Variants in CNTNAP2 observed in about 807,000 individuals in gnomAD.
CNTNAP2 encodes the protein contactin associated protein 2.
CNTNAP2 carries 98 observed loss-of-function variants against 155.2 expected under a neutral mutation model. The ratio of observed to expected loss-of-function variants is 0.63; its 90% CI spans 0.54 to 0.75. The LOEUF (loss-of-function observed/expected upper bound fraction) is 0.75, where lower values mean the gene tolerates loss of function less well. Among genes scored for constraint, CNTNAP2 ranks in the 30% least tolerant of loss-of-function variants. The pLI is 0.00. For synonymous variants in CNTNAP2, 651 were observed against 631.2 expected (o/e 1.03, Z -0.47); for missense variants, 1,727 against 1,688.1 (o/e 1.02, Z -0.40).
At chr7:146,494,983 A>G (rs1797192510) in intron 1 of CNTNAP2, among the ~76,000 whole-genome samples, 1 of 152,226 alleles carries the variant, frequency 6.6e-6, no homozygotes, top group African/African-American at 2.4e-5. Context: ...AGTGATTCCC[A>G]ACTACCAGAG....
At chr7:146,390,590 A>G (rs1433763194) in intron 1 of CNTNAP2, among the ~76,000 whole-genome samples, 4 of 150,122 alleles carry the variant, frequency 2.7e-5, no homozygotes, top group Non-Finnish European at 1.5e-5. Flanking sequence ...TAAAATACAT[A>G]TATTTTCATG....
At chr7:148,225,799 C>G (rs995252541) in intron 19 of CNTNAP2, among the ~76,000 whole-genome samples, 1 of 152,158 alleles carries the variant, frequency 6.6e-6, no homozygotes, top group Non-Finnish European at 1.5e-5. Flanking sequence ...GCCAAGAAGA[C>G]TTGGTGTCAG....
At chr7:147,635,199 T>C (rs1795156015) in intron 12 of CNTNAP2, among the ~76,000 whole-genome samples, 1 of 144,200 alleles carries the variant, frequency 6.9e-6, no homozygotes, top group African/African-American at 2.9e-5. Flanking sequence ...TATATATATA[T>C]ATGTTTAATT....
intron 1 of CNTNAP2, among the ~76,000 whole-genome samples, chr7:146,310,794 C>T (rs976193779): frequency 1.3e-5 from 2 of 152,128 alleles, no homozygotes; most frequent in African/African-American, 4.8e-5. Context: ...TCCCTTCCCC[C>T]ATCCATCCAT....
chr7:146,643,116 T>C (rs1799742348), intron 1 of CNTNAP2, among the ~76,000 whole-genome samples: 1 of 149,108 alleles, frequency 6.7e-6, no homozygotes, highest in African/African-American at 2.5e-5. Context: ...GGTTGCCTGT[T>C]CACTCTGATG....
At position 148,323,668 on chromosome 7, in the gene CNTNAP2, A is replaced by C. The variant is rs887214593; in HGVS notation, c.3475+56542A>C. 2.6e-5 allele frequency among the ~76,000 whole-genome samples: 4 copies of C among 152,132 alleles called. 1 individual carries two copies. Among genetic ancestry groups the C allele is most frequent in the Non-Finnish European group, 5.9e-5 (4 of 68,026 alleles). On this transcript the variant is annotated intron_variant, in intron 21 of 23. Coordinates refer to ENST00000361727, the MANE Select transcript of CNTNAP2 (RefSeq NM_014141.6). The stretch of plus-strand genomic sequence containing the variant: ...AATAGTTTTCAATCCACTTTACTAA[A>C]ATCTAATAGTCACCATCTGTGTCTG...
At chr7:146,617,179 A>G (rs1000596541) in intron 1 of CNTNAP2, among the ~76,000 whole-genome samples, 1 of 152,062 alleles carries the variant, frequency 6.6e-6, no homozygotes, top group African/African-American at 2.4e-5. Flanking sequence ...TTTTTGTCTT[A>G]TCTTGAACTA....
At chr7:147,417,688 C>G (rs532328593) in intron 10 of CNTNAP2, among the ~76,000 whole-genome samples, 59 of 152,250 alleles carry the variant, frequency 3.9e-4, no homozygotes, top group African/African-American at 1.4e-3. Flanking sequence ...GAACCCGTAT[C>G]TGATGATGGT....
At chr7:146,986,619 TAGCAGTGTAGA>T (rs1388838422) in intron 3 of CNTNAP2, among the ~76,000 whole-genome samples, 1 of 152,180 alleles carries the variant, frequency 6.6e-6, no homozygotes, top group Non-Finnish European at 1.5e-5. Context: ...ACATTCCCGC[TAGCAGTGTAGA>T]AGTGTTCCCT....
rs997609346 is a variant in CNTNAP2 at position 147,491,459 on chromosome 7, A to C, written c.1777+5418A>C. Among the ~76,000 whole-genome samples, 4 of 146,306 alleles carry C rather than the reference A, an allele frequency of 2.7e-5. No individual in the cohort carries two copies. In the East Asian group the frequency reaches 7.7e-4, roughly 28 times the overall value. On this transcript the variant is annotated intron_variant, in intron 11 of 23. Transcript: ENST00000361727. ...AGTTAGATCAAATCCTCTTATTCTA[A>C]AACACACATATGTCTTTTAGCACTA... is the stretch of plus-strand genomic sequence containing the variant.
At chr7:146,403,955 C>T (rs10256837) in intron 1 of CNTNAP2, among the ~76,000 whole-genome samples, 12,537 of 151,316 alleles carry the variant, frequency 0.083, 584 homozygotes, top group Middle Eastern at 0.12. Flanking sequence ...GAAACCCCGT[C>T]TCTACTAAAA....
At position 146,332,266 on chromosome 7, in the gene CNTNAP2, G is replaced by T. The variant is rs966023006; in HGVS notation, c.97+215293G>T. Among the ~76,000 whole-genome samples the T allele has an allele frequency of 4.0e-5, 6 of 151,724 alleles. No homozygotes were observed. In the South Asian group the frequency reaches 1.2e-3, roughly 32 times the overall value. ...AATCGAATGCATATTTTTATCTTGG[G>T]ATTGTTTAATTTTAAAACTATTTAT... On this transcript the variant is annotated intron_variant, in intron 1 of 23. Coordinates refer to ENST00000361727, the MANE Select transcript of CNTNAP2 (RefSeq NM_014141.6).
Position 147,395,611 on chromosome 7 carries a change from T to G in CNTNAP2, c.1501T>G (p.Phe501Val). 6.2e-7 allele frequency: 1 copy of G among 1,611,728 alleles called. No individual in the cohort carries two copies. Among genetic ancestry groups the G allele is most frequent in the African/African-American group, 1.3e-5 (1 of 74,936 alleles). Residue 501 changes from phenylalanine to valine, a missense_variant and splice_region_variant, in exon 10 of 24, where the codon TTT becomes GTT. By Grantham distance (50) the Phe-to-Val change is conservative (BLOSUM62 -1). Coordinates refer to ENST00000361727, the MANE Select transcript of CNTNAP2 (RefSeq NM_014141.6). ...TTCCCATTTCTTCTGTTTCACAGGT[T>G]TTCTGAACCAGATGAATAACTCAAG... The part of the protein sequence containing the change: ...KTGEKYFFGG[F>V]LNQMNNSSHS...
At chr7:147,755,668 A>T (rs1325448081) in intron 13 of CNTNAP2, among the ~76,000 whole-genome samples, 1 of 152,128 alleles carries the variant, frequency 6.6e-6, no homozygotes, top group Non-Finnish European at 1.5e-5. Flanking sequence ...ATAATTAATC[A>T]TAATAATATT....
At chr7:146,413,608 G>A (rs73456810) in intron 1 of CNTNAP2, among the ~76,000 whole-genome samples, 9,011 of 151,904 alleles carry the variant, frequency 0.059, 751 homozygotes, top group African/African-American at 0.19. Flanking sequence ...CATCTTCCTC[G>A]TTCTCCTTTT....
intron 11 of CNTNAP2, among the ~76,000 whole-genome samples, chr7:147,510,068 T>C (rs1384266046): frequency 6.6e-6 from 1 of 152,132 alleles, no homozygotes; most frequent in Non-Finnish European, 1.5e-5. Flanking sequence ...AATAGAGTCA[T>C]GGAATCTGAA....
chr7:147,351,008 A>G (rs1446636200), intron 9 of CNTNAP2, among the ~76,000 whole-genome samples: 2 of 151,856 alleles, frequency 1.3e-5, no homozygotes, highest in African/African-American at 2.4e-5. Flanking sequence ...AAAGGAATGA[A>G]AAGTTTTATT....
chr7:146,890,439 T>C (rs896253867), intron 3 of CNTNAP2, among the ~76,000 whole-genome samples: 2 of 152,208 alleles, frequency 1.3e-5, no homozygotes. Flanking sequence ...CTTTTCAACA[T>C]AGACATGGCA....
At chr7:146,957,125 G>T (rs541591712) in intron 3 of CNTNAP2, among the ~76,000 whole-genome samples, 8 of 152,122 alleles carry the variant, frequency 5.3e-5, no homozygotes, top group African/African-American at 1.9e-4. Flanking sequence ...GACCTAGATG[G>T]TATAGCCCCC....
Sources: gnomAD v4.1 joint callset for allele counts (sites outside exome capture counted in the v4.1 genomes callset) on GRCh38, gnomAD v4.1.1 for gene constraint, MANE v1.5 for transcripts, NCBI Gene and HGNC (gene_info 2026-07-23, HGNC 2026-07-21) for gene names.